The following RSU1 variants were observed in gnomAD, a reference collection of about 807,000 sequenced individuals.
RSU1 encodes Ras suppressor protein 1.
RSU1 carries 26 observed loss-of-function variants against 31.1 expected under a neutral mutation model. That is an observed-to-expected ratio of 0.84 (90% confidence interval 0.61 to 1.16). The LOEUF (loss-of-function observed/expected upper bound fraction) is 1.16, where lower values mean the gene tolerates loss of function less well. Among genes scored for constraint, RSU1 ranks in the 50% most tolerant of loss-of-function variants. The pLI is 0.00. For missense variants in RSU1, 320 were observed against 339.1 expected (o/e 0.94, Z 0.44); for synonymous variants, 164 against 136.3 (o/e 1.20, Z -1.41).
At chr10:16,716,071 ATCT>A (rs915138951) in intron 7 of RSU1, among the ~76,000 whole-genome samples, 3 of 152,248 alleles carry the variant, frequency 2.0e-5, no homozygotes, top group South Asian at 2.1e-4. Context: ...TGTTGAACAA[ATCT>A]TCTTAAAAGA....
intron 7 of RSU1, among the ~76,000 whole-genome samples, chr10:16,731,058 C>A (rs1466741271): frequency 6.6e-6 from 1 of 152,124 alleles, no homozygotes; most frequent in East Asian, 1.9e-4. Flanking sequence ...TCCTGATGCA[C>A]CTGCCTTAGA....
intron 8 of RSU1, among the ~76,000 whole-genome samples, chr10:16,596,065 G>A (rs1427404736): frequency 3.3e-5 from 5 of 152,092 alleles, no homozygotes; most frequent in Admixed American, 2.6e-4. Context: ...CCCTGAAGAC[G>A]AGGCCATGGG....
intron 6 of RSU1, 49 bp from the exon 7 acceptor site, chr10:16,752,702 C>A (rs377578000): frequency 1.6e-4 from 223 of 1,399,620 alleles, no homozygotes; most frequent in Non-Finnish European, 2.2e-4. Flanking sequence ...TTAAAAGGTG[C>A]TCCACAGAAA....
chr10:16,618,489 G>GTA (rs1834016745), intron 8 of RSU1, among the ~76,000 whole-genome samples: 1 of 152,104 alleles, frequency 6.6e-6, no homozygotes, highest in African/African-American at 2.4e-5. Context: ...TATACCCAAA[G>GTA]GATTATAAAT....
chr10:16,796,449 C>T, intron 2 of RSU1, among the ~76,000 whole-genome samples: 1 of 152,128 alleles, frequency 6.6e-6, no homozygotes, highest in Non-Finnish European at 1.5e-5. Flanking sequence ...ACAAATCTGC[C>T]ATCAATGACA....
chr10:16,796,885 G>A (rs58340069), intron 2 of RSU1, among the ~76,000 whole-genome samples: 27,748 of 152,138 alleles, frequency 0.18, 2,604 homozygotes, highest in Middle Eastern at 0.22. Flanking sequence ...AGTAGATGAG[G>A]ACAAGCTACC....
intron 8 of RSU1, among the ~76,000 whole-genome samples, chr10:16,678,619 G>A (rs550451499): frequency 6.6e-6 from 1 of 152,252 alleles, no homozygotes; most frequent in African/African-American, 2.4e-5. Flanking sequence ...ATACATTCAT[G>A]GGGAAGTAAA....
intron 2 of RSU1, among the ~76,000 whole-genome samples, chr10:16,814,748 T>G (rs746130895): frequency 1.2e-4 from 19 of 152,230 alleles, no homozygotes; most frequent in Non-Finnish European, 2.4e-4. Context: ...TATTATCCGT[T>G]GTTAGCTACT....
At chr10:16,779,487 C>T (rs78766793) in intron 3 of RSU1, among the ~76,000 whole-genome samples, 3,388 of 152,248 alleles carry the variant, frequency 0.022, 76 homozygotes, top group East Asian at 0.11. Flanking sequence ...TCAACAGTGT[C>T]CCCAAATCAA....
chr10:16,678,686 T>C (rs897292484), intron 8 of RSU1, among the ~76,000 whole-genome samples: 17 of 152,154 alleles, frequency 1.1e-4, no homozygotes, highest in African/African-American at 4.1e-4. Context: ...CAATAGTGAA[T>C]ACATGTGAAA....
At chr10:16,731,286 C>T (rs577043909) in intron 7 of RSU1, among the ~76,000 whole-genome samples, 4 of 151,910 alleles carry the variant, frequency 2.6e-5, no homozygotes, top group Admixed American at 6.5e-5. Context: ...AAAAATTAGC[C>T]GGGCGCGGGG....
chr10:16,720,149 T>C (rs1366919022), intron 7 of RSU1, among the ~76,000 whole-genome samples: 1 of 152,230 alleles, frequency 6.6e-6, no homozygotes, highest in Non-Finnish European at 1.5e-5. Flanking sequence ...TCTTTCCTTT[T>C]TCCCCGTCTC....
chr10:16,672,665 T>G (rs1278486555), intron 8 of RSU1, among the ~76,000 whole-genome samples: 1 of 151,978 alleles, frequency 6.6e-6, no homozygotes, highest in Non-Finnish European at 1.5e-5. Flanking sequence ...TCGAACACTC[T>G]ACAAAATGCA....
chr10:16,685,303 G>A (rs533417232), intron 8 of RSU1, among the ~76,000 whole-genome samples: 3 of 152,124 alleles, frequency 2.0e-5, no homozygotes, highest in Non-Finnish European at 2.9e-5. Context: ...TACAGGAAAG[G>A]GGTCGCGATC....
intron 8 of RSU1, among the ~76,000 whole-genome samples, chr10:16,598,401 T>C (rs892864427): frequency 1.1e-4 from 16 of 148,858 alleles, no homozygotes; most frequent in African/African-American, 3.6e-4. Flanking sequence ...AAAAAAAAAA[T>C]TAGCCAGGTG....
chr10:16,729,650 T>C (rs72771307), intron 7 of RSU1, among the ~76,000 whole-genome samples: 11,314 of 152,256 alleles, frequency 0.074, 832 homozygotes, highest in African/African-American at 0.2. Flanking sequence ...ACTATCACTC[T>C]CAGAAGGCTC....
chr10:16,694,451 G>C (rs1413902469), intron 8 of RSU1, among the ~76,000 whole-genome samples: 1 of 152,140 alleles, frequency 6.6e-6, no homozygotes, highest in Admixed American at 6.5e-5. Flanking sequence ...TTTCCTTAGT[G>C]CCATGAATAT....
intron 7 of RSU1, chr10:16,727,165 G>A (rs1318822633): frequency 2.2e-6 from 1 of 456,488 alleles, no homozygotes; most frequent in African/African-American, 2.0e-5. Flanking sequence ...TACCTATAGT[G>A]ACAGGAGTCA....
chr10:16,607,606 T>C lies in RSU1; in HGVS notation c.732-14110A>G, dbSNP rs569251490. On this transcript the variant is annotated intron_variant, in intron 8 of 8. Transcript: ENST00000345264. ...CCCCATCTCATATCCACGGCAGATA[T>C]CACACACTGAGCAGGTGCTCTGTTG... 1.2e-4 allele frequency among the ~76,000 whole-genome samples: 19 copies of C among 152,230 alleles called. No homozygotes were observed. The East Asian group carries it at 1.9e-3, about 15-fold the overall frequency.
Sources: gnomAD v4.1 joint callset for allele counts (sites outside exome capture counted in the v4.1 genomes callset) on GRCh38, gnomAD v4.1.1 for gene constraint, MANE v1.5 for transcripts, NCBI Gene and HGNC (gene_info 2026-07-23, HGNC 2026-07-21) for gene names.